ZNF676: variants seen among roughly 807,000 people sequenced by gnomAD.
The protein encoded by ZNF676 is zinc finger protein 676.
ZNF676 carries 4 observed loss-of-function variants against 6.0 expected under a neutral mutation model. The observed-to-expected ratio is 0.67, with a 90% confidence interval of 0.33 to 1.53. ZNF676 has a LOEUF of 1.53. Ranked by LOEUF, ZNF676 falls within the 40% of genes most tolerant of loss-of-function variation. The probability of loss-of-function intolerance (pLI) is 0.06; values close to 1 mark genes in which losing one functional copy is unlikely to be tolerated. For missense variants in ZNF676, 644 were observed against 679.7 expected, an observed-to-expected ratio of 0.95 and a Z score of 0.58; for synonymous variants, 198 against 223.1, an observed-to-expected ratio of 0.89 and a Z score of 1.00.
chr19:22,198,122 CATA>C (rs2023989259), upstream of ZNF676, among the ~76,000 whole-genome samples: 1 of 152,074 alleles, frequency 6.6e-6, no homozygotes, highest in Non-Finnish European at 1.5e-5. Context: ...ACTGCATAGA[CATA>C]ATAAAGAACA....
At chr19:22,252,442 A>G in the ZNF676 span, among the ~76,000 whole-genome samples, 6 of 151,892 alleles carry the variant, frequency 4.0e-5, no homozygotes, top group African/African-American at 1.5e-4. Context: ...AAAAGAAAAA[A>G]AAAAAAGAAG....
chr19:22,223,350 C>T, the ZNF676 span, among the ~76,000 whole-genome samples: 1 of 152,086 alleles, frequency 6.6e-6, no homozygotes. Context: ...CTACATAACA[C>T]AGGCTGGTCT....
At chr19:22,182,931 G>C (rs2023781170) in intron 2 of ZNF676, among the ~76,000 whole-genome samples, 1 of 151,888 alleles carries the variant, frequency 6.6e-6, no homozygotes, top group Non-Finnish European at 1.5e-5. Context: ...TAAAAGCACA[G>C]GAATTATTAT....
At chr19:22,185,983 C>T (rs968379131) in intron 2 of ZNF676, among the ~76,000 whole-genome samples, 3 of 152,082 alleles carry the variant, frequency 2.0e-5, no homozygotes, top group Non-Finnish European at 4.4e-5. Flanking sequence ...GAGAATGTCC[C>T]CAACATAGCA....
chr19:22,196,489 T>C, intron 1 of ZNF676, 111 bp downstream of exon 1: 1 of 1,589,262 alleles, frequency 6.3e-7, no homozygotes, highest in Non-Finnish European at 8.6e-7. Flanking sequence ...TATACTCTTT[T>C]GTCTTTGTCT....
intron 1 of ZNF676, among the ~76,000 whole-genome samples, chr19:22,195,752 G>A (rs567378397): frequency 2.6e-4 from 39 of 152,284 alleles, no homozygotes; most frequent in Admixed American, 1.3e-4. Context: ...TGTAACCAAC[G>A]TAGAATATAA....
At chr19:22,260,042 G>A in the ZNF676 span, among the ~76,000 whole-genome samples, 1 of 152,184 alleles carries the variant, frequency 6.6e-6, no homozygotes, top group African/African-American at 2.4e-5. Flanking sequence ...CTCAGGTGCT[G>A]GGAGATGCAG....
At chr19:22,245,852 G>A in the ZNF676 span, among the ~76,000 whole-genome samples, 3 of 152,046 alleles carry the variant, frequency 2.0e-5, no homozygotes, top group Non-Finnish European at 4.4e-5. Context: ...AAATCACATC[G>A]TCTAGTTGCT....
rs1357479340 is a variant in ZNF676 at position 22,196,794 on chromosome 19, G to A, written c.-161C>T. ...GGGCAGAACTTTTAATGTGACTCAA[G>A]GTAAAATGGAGAGAGTAGAGAGAGC... is the stretch of plus-strand genomic sequence containing the variant. On this transcript the variant is annotated 5_prime_UTR_variant, in exon 1 of 3. Transcript: ENST00000397121. The A allele has an allele frequency of 2.2e-6, 3 of 1,361,130 alleles. No individual in the cohort carries two copies. The highest frequency in any genetic ancestry group is 3.1e-6 in the Non-Finnish European group (3 of 968,222). The allele number at this position is 1,361,130 out of a possible 1,614,324, so 84.3% of individuals were successfully genotyped here. A position where few individuals can be genotyped will look rare whatever the true frequency, so the allele number is the denominator to read the frequency against.
upstream of ZNF676, among the ~76,000 whole-genome samples, chr19:22,201,156 T>G (rs746607120): frequency 5.9e-5 from 9 of 152,186 alleles, no homozygotes; most frequent in Non-Finnish European, 8.8e-5. Flanking sequence ...AGGACAAGAA[T>G]ACTCTACTCC....
chr19:22,225,107 C>A, the ZNF676 span, among the ~76,000 whole-genome samples: 1 of 152,156 alleles, frequency 6.6e-6, no homozygotes, highest in African/African-American at 2.4e-5. Context: ...CACTAAGTAA[C>A]AACTGCCCAT....
rs781601665 is a variant in ZNF676 at position 22,179,905 on chromosome 19, C to T, written c.*45G>A. 1.3e-6 allele frequency: 2 copies of T among 1,570,624 alleles called. No homozygotes were observed. Among genetic ancestry groups the T allele is most frequent in the South Asian group, 2.3e-5 (2 of 88,418 alleles). ...TCCAGTATGAATTTTCTTATGTTTACTAGACTGAGAATCAGCTGAAGGATT... is the reference window on the plus strand; with the variant it reads ...TCCAGTATGAATTTTCTTATGTTTATTAGACTGAGAATCAGCTGAAGGATT... On this transcript the variant is annotated 3_prime_UTR_variant, in exon 3 of 3. Coordinates refer to ENST00000397121, the MANE Select transcript of ZNF676 (RefSeq NM_001001411.3).
chr19:22,196,535 T>C lies in ZNF676; in HGVS notation c.34+65A>G, dbSNP rs530038563. On this transcript the variant is annotated intron_variant, in intron 1 of 2. Transcript: ENST00000397121. The stretch of plus-strand genomic sequence containing the variant: ...ATTCATCCTCCTTTGTTCAGTCCAA[T>C]AAGGTCTGCAGCAAAATGAAACCTG... 4 of 1,612,208 alleles carry C rather than the reference T, an allele frequency of 2.5e-6. No homozygotes were observed. The South Asian group carries it at 4.4e-5, about 18-fold the overall frequency.
At chr19:22,233,382 T>C in the ZNF676 span, among the ~76,000 whole-genome samples, 13 of 152,314 alleles carry the variant, frequency 8.5e-5, no homozygotes, top group East Asian at 1.9e-3. Context: ...ATTGCCCTGT[T>C]TTGTATACAT....
intron 1 of ZNF676, chr19:22,215,591 C>A (rs2024176111): frequency 6.2e-7 from 1 of 1,607,802 alleles, no homozygotes; most frequent in African/African-American, 1.3e-5. Context: ...TTCCAACCAG[C>A]CCAGGCCACT....
rs778332339 is a variant in ZNF676 at position 22,196,669 on chromosome 19, G to A, written c.-36C>T. Reference sequence around the variant, plus strand: ...TATAAATTCTGCTGTGTAGAATCCAGGCATTGCCACTCCTCCAGAGAGAAT... The same window carrying A: ...TATAAATTCTGCTGTGTAGAATCCAAGCATTGCCACTCCTCCAGAGAGAAT... On this transcript the variant is annotated 5_prime_UTR_variant, in exon 1 of 3. Coordinates refer to ENST00000397121, the MANE Select transcript of ZNF676 (RefSeq NM_001001411.3). 2.0e-5 allele frequency: 32 copies of A among 1,613,388 alleles called. No homozygotes were observed. The highest frequency in any genetic ancestry group is 1.7e-4 in the Middle Eastern group (1 of 6,058).
At chr19:22,260,064 G>T in the ZNF676 span, among the ~76,000 whole-genome samples, 1 of 152,160 alleles carries the variant, frequency 6.6e-6, no homozygotes, top group African/African-American at 2.4e-5. Context: ...AAGATTCGGG[G>T]GTAAGATTAA....
At chr19:22,255,980 C>T in the ZNF676 span, among the ~76,000 whole-genome samples, 64,282 of 152,014 alleles carry the variant, frequency 0.42, 13,820 homozygotes, top group African/African-American at 0.5. Flanking sequence ...AGTCTGTCCA[C>T]CTGTGAGGGT....
At chr19:22,254,353 A>G in the ZNF676 span, among the ~76,000 whole-genome samples, 12 of 152,136 alleles carry the variant, frequency 7.9e-5, no homozygotes, top group Admixed American at 7.9e-4. Context: ...TGTGGGCAGG[A>G]TGCAGGCAAA....
Sources: gnomAD v4.1 joint callset for allele counts (sites outside exome capture counted in the v4.1 genomes callset) on GRCh38, gnomAD v4.1.1 for gene constraint, MANE v1.5 for transcripts, NCBI Gene and HGNC (gene_info 2026-07-23, HGNC 2026-07-21) for gene names.